The following CTNNAL1 variants were observed in gnomAD, a reference collection of about 807,000 sequenced individuals.
CTNNAL1 encodes catenin alpha like 1, also known as alpha-catulin.
CTNNAL1 carries 69 observed loss-of-function variants against 93.6 expected under a neutral mutation model. The ratio of observed to expected loss-of-function variants is 0.74; its 90% CI spans 0.61 to 0.90. The LOEUF (loss-of-function observed/expected upper bound fraction) is 0.90, where lower values mean the gene tolerates loss of function less well. CTNNAL1 is among the 40% of genes least tolerant of loss of function. The probability of loss-of-function intolerance (pLI) is 0.00; values close to 1 mark genes in which losing one functional copy is unlikely to be tolerated. For missense variants in CTNNAL1, 836 were observed against 862.0 expected (o/e 0.97, Z 0.38); for synonymous variants, 286 against 305.4 (o/e 0.94, Z 0.66).
At chr9:108,993,795 A>C (rs1486345387) in intron 2 of CTNNAL1, among the ~76,000 whole-genome samples, 2 of 152,178 alleles carry the variant, frequency 1.3e-5, no homozygotes, top group Non-Finnish European at 2.9e-5. Flanking sequence ...TGCCTAATGG[A>C]TTGATTTTCT....
chr9:108,950,036 A>C (rs909950216), intron 14 of CTNNAL1, among the ~76,000 whole-genome samples: 4 of 151,950 alleles, frequency 2.6e-5, no homozygotes, highest in Non-Finnish European at 5.9e-5. Context: ...AAAAAAAAAA[A>C]AAAAAACCAG....
chr9:108,948,125 A>G (rs1830458155), intron 15 of CTNNAL1, 61 bp downstream of exon 15: 2 of 1,558,612 alleles, frequency 1.3e-6, no homozygotes, highest in Admixed American at 3.4e-5. Context: ...TCTGGAAAAC[A>G]TTTATTACCC....
At chr9:108,984,947 G>A (rs988453857) in intron 4 of CTNNAL1, among the ~76,000 whole-genome samples, 1 of 152,104 alleles carries the variant, frequency 6.6e-6, no homozygotes, top group African/African-American at 2.4e-5. Context: ...TCAATATGCT[G>A]CTCTGAAATA....
intron 4 of CTNNAL1, among the ~76,000 whole-genome samples, chr9:108,989,043 A>C (rs191619903): frequency 6.6e-6 from 1 of 152,326 alleles, no homozygotes; most frequent in East Asian, 1.9e-4. Context: ...TAATGAGCTA[A>C]ATTGCTAAAA....
intron 11 of CTNNAL1, 37 bp from the exon 12 acceptor site, chr9:108,955,864 A>T (rs763221855): frequency 2.2e-6 from 3 of 1,350,814 alleles, no homozygotes; most frequent in Non-Finnish European, 3.0e-6. Context: ...AATTTTTTCT[A>T]TTAATATATT....
chr9:108,995,465 T>C (rs1831982081), intron 2 of CTNNAL1, among the ~76,000 whole-genome samples: 1 of 152,240 alleles, frequency 6.6e-6, no homozygotes, highest in Non-Finnish European at 1.5e-5. Flanking sequence ...TCCACCAACA[T>C]GGGCAAATGC....
At position 108,970,308 on chromosome 9, in the gene CTNNAL1, G is replaced by A. The variant is rs7043345; in HGVS notation, c.1440+94C>T. ...TTTCTCTATGTATATTTGGACTCTA[G>A]TTATGAAAAACCATTTATACCTTCC... On this transcript the variant is annotated intron_variant, in intron 10 of 18. Transcript: ENST00000325551. 0.013 allele frequency: 14,183 copies of A among 1,107,152 alleles called. 1,425 individuals are homozygous for A. The African/African-American group carries it at 0.21, about 16-fold the overall frequency. 68.6% of individuals were successfully genotyped at this position (1,107,152 alleles called of 1,614,324 possible). A position where few individuals can be genotyped will look rare whatever the true frequency, so the allele number is the denominator to read the frequency against.
At chr9:108,967,962 G>A (rs945396095) in intron 10 of CTNNAL1, among the ~76,000 whole-genome samples, 1 of 152,198 alleles carries the variant, frequency 6.6e-6, no homozygotes, top group African/African-American at 2.4e-5. Context: ...TATATTAATA[G>A]TTGGTACCTT....
intron 3 of CTNNAL1, among the ~76,000 whole-genome samples, chr9:108,991,743 A>T (rs996885377): frequency 6.6e-6 from 1 of 152,126 alleles, no homozygotes; most frequent in Non-Finnish European, 1.5e-5. Context: ...CCACCTCTCC[A>T]ATTTCTGATT....
chr9:108,974,060 T>C (rs1564133501), intron 8 of CTNNAL1, among the ~76,000 whole-genome samples: 1 of 152,206 alleles, frequency 6.6e-6, no homozygotes, highest in Non-Finnish European at 1.5e-5. Flanking sequence ...ACAGAGACTG[T>C]GTCTTGCCAA....
chr9:109,004,307 G>A (rs1826946751), intron 1 of CTNNAL1, among the ~76,000 whole-genome samples: 2 of 152,124 alleles, frequency 1.3e-5, no homozygotes, highest in African/African-American at 4.8e-5. Context: ...CAGTGAAATA[G>A]GTTAATATTA....
rs376120154 is a variant in CTNNAL1 at position 108,970,505 on chromosome 9, A to G, written c.1348-11T>C. On this transcript the variant is annotated splice_polypyrimidine_tract_variant and intron_variant, in intron 9 of 18. Coordinates refer to ENST00000325551, the MANE Select transcript of CTNNAL1 (RefSeq NM_003798.4). ...TAACAATCGACAGGTCTACAAGACA[A>G]TATGTCTACAGTTTAACTTTCACAT... 45 of 1,603,626 alleles carry G rather than the reference A, an allele frequency of 2.8e-5. No individual in the cohort carries two copies. The Middle Eastern group carries it at 1.5e-3, about 53-fold the overall frequency.
At chr9:108,965,349 C>G (rs1587956792) in intron 11 of CTNNAL1, 29 bp downstream of exon 11, 1 of 1,360,956 alleles carries the variant, frequency 7.3e-7, no homozygotes, top group African/African-American at 1.5e-5. Context: ...AAAATAATAA[C>G]ATATTTCATT....
chr9:108,992,616 T>C lies in CTNNAL1; in HGVS notation c.519+16A>G. ...ACAGAAAGACAAAAATACAGCAACA[T>C]CAGAAAGGTAAGTACCTTATTTCTT... is the stretch of plus-strand genomic sequence containing the variant. On this transcript the variant is annotated intron_variant, in intron 3 of 18. Coordinates refer to ENST00000325551, the MANE Select transcript of CTNNAL1 (RefSeq NM_003798.4). 6.3e-7 allele frequency: 1 copy of C among 1,588,318 alleles called. No individual in the cohort carries two copies. Among genetic ancestry groups the C allele is most frequent in the South Asian group, 1.2e-5 (1 of 86,300 alleles).
At chr9:108,977,146 C>T (rs1831290811) in intron 7 of CTNNAL1, 98 bp from the exon 8 acceptor site, 1 of 528,192 alleles carries the variant, frequency 1.9e-6, no homozygotes, top group South Asian at 3.0e-5. Context: ...AATTTTAATA[C>T]TATTCTGTGA....
intron 11 of CTNNAL1, among the ~76,000 whole-genome samples, chr9:108,958,290 CTT>C (rs1263176272): frequency 6.6e-6 from 1 of 152,042 alleles, no homozygotes; most frequent in African/African-American, 2.4e-5. Context: ...TTCGGTATCT[CTT>C]ATATCTCTAA....
chr9:109,009,636 G>A (rs926983879), intron 1 of CTNNAL1, among the ~76,000 whole-genome samples: 1 of 152,152 alleles, frequency 6.6e-6, no homozygotes, highest in Non-Finnish European at 1.5e-5. Flanking sequence ...GGCAGAGCAA[G>A]TCCATCCACC....
At chr9:108,954,085 G>A (rs1308324156) in intron 12 of CTNNAL1, among the ~76,000 whole-genome samples, 1 of 152,090 alleles carries the variant, frequency 6.6e-6, no homozygotes, top group Non-Finnish European at 1.5e-5. Flanking sequence ...TACTAATGAT[G>A]ATGATTATTA....
chr9:108,984,282 T>TA, intron 5 of CTNNAL1, 65 bp downstream of exon 5: 2 of 806,878 alleles, frequency 2.5e-6, no homozygotes, highest in Non-Finnish European at 4.3e-6. Flanking sequence ...TTATGTAAGT[T>TA]AAATGCATTT....
Sources: gnomAD v4.1 joint callset for allele counts (sites outside exome capture counted in the v4.1 genomes callset) on GRCh38, gnomAD v4.1.1 for gene constraint, MANE v1.5 for transcripts, NCBI Gene and HGNC (gene_info 2026-07-23, HGNC 2026-07-21) for gene names.